RFX1: variants seen among roughly 807,000 people sequenced by gnomAD.
RFX1 encodes MHC class II regulatory factor RFX1.
A neutral mutation model predicts 119.6 loss-of-function variants in RFX1; 42 were observed. That is an observed-to-expected ratio of 0.35 (90% CI 0.27 to 0.45). The LOEUF (loss-of-function observed/expected upper bound fraction) is 0.45, where lower values mean the gene tolerates loss of function less well. RFX1 is among the 20% of genes least tolerant of loss of function. The pLI is 1.00. For missense variants in RFX1, 1,118 were observed against 1,368.1 expected (o/e 0.82, Z 2.88); for synonymous variants, 628 against 618.5 (o/e 1.02, Z -0.23).
chr19:13,994,846 T>C (rs1203680685), intron 1 of RFX1, among the ~76,000 whole-genome samples: 1 of 143,106 alleles, frequency 7.0e-6, no homozygotes, highest in Non-Finnish European at 1.5e-5. Context: ...TGTATACATA[T>C]ATGTACACAT....
chr19:13,999,126 A>G, intron 1 of RFX1, among the ~76,000 whole-genome samples: 1 of 152,226 alleles, frequency 6.6e-6, no homozygotes. Flanking sequence ...AAGCAATTAT[A>G]CAGGTTTGTT....
intron 12 of RFX1, among the ~76,000 whole-genome samples, chr19:13,967,675 C>T (rs1218893326): frequency 6.6e-6 from 1 of 151,838 alleles, no homozygotes; most frequent in East Asian, 1.9e-4. Flanking sequence ...TGGGGATTCA[C>T]CATGTTGACT....
intron 1 of RFX1, among the ~76,000 whole-genome samples, chr19:14,002,528 A>G (rs776433117): frequency 6.6e-6 from 1 of 152,042 alleles, no homozygotes; most frequent in Non-Finnish European, 1.5e-5. Flanking sequence ...AAGAAAACTG[A>G]CAGGCAAATA....
rs1284802969 is a variant in RFX1 at position 13,976,488 on chromosome 19, C to T, written c.929+1504G>A. 5.3e-5 allele frequency among the ~76,000 whole-genome samples: 8 copies of T among 152,326 alleles called. No homozygotes were observed. The East Asian group carries it at 7.7e-4, about 15-fold the overall frequency. On this transcript the variant is annotated intron_variant, in intron 8 of 20. Coordinates refer to ENST00000254325, the MANE Select transcript of RFX1 (RefSeq NM_002918.5). ...GCCAGGACGTGGCCCCTGCCTGACA[C>T]GGCCCATACACAGGAATGGTAGTGC... is the stretch of plus-strand genomic sequence containing the variant.
intron 1 of RFX1, among the ~76,000 whole-genome samples, chr19:14,005,248 C>T (rs55641935): frequency 6.6e-6 from 1 of 152,148 alleles, no homozygotes; most frequent in Non-Finnish European, 1.5e-5. Flanking sequence ...CTCATGGTCA[C>T]TCCTCCCTAC....
intron 17 of RFX1, 23 bp from the exon 18 acceptor site, chr19:13,963,769 GCGCCCGGGGCTCAGC>G: frequency 6.6e-7 from 1 of 1,524,554 alleles, no homozygotes; most frequent in Non-Finnish European, 8.8e-7. Context: ...GGGTGGGCGG[GCGCCCGGGGCTCAGC>G]CGCCGTCACC....
chr19:13,983,424 A>C, intron 3 of RFX1, 62 bp downstream of exon 3: 1 of 1,349,624 alleles, frequency 7.4e-7, no homozygotes, highest in Non-Finnish European at 1.0e-6. Context: ...GCCCCCGAGG[A>C]CGCAGCCTGC....
chr19:14,005,946 G>GCCGGGCC (rs1222119088), intron 1 of RFX1, among the ~76,000 whole-genome samples, 157 bp downstream of exon 1: 2 of 151,026 alleles, frequency 1.3e-5, no homozygotes, highest in African/African-American at 4.9e-5. Flanking sequence ...TGTCGTTCCA[G>GCCGGGCC]CCGGGCCCCG....
chr19:13,966,435 C>T lies in RFX1; in HGVS notation c.1947G>A (p.Ala649=), dbSNP rs373319604. Residue 649 remains alanine, a synonymous_variant, in exon 14 of 21, where the codon GCG becomes GCA. Coordinates refer to ENST00000254325, the MANE Select transcript of RFX1 (RefSeq NM_002918.5). The surrounding 1 kb of genome is among the most constrained non-coding windows in gnomAD (Gnocchi z 6.3). ...WRYNLSQPSE[A]PPLAVHDEAE... ...GCAGTACTCACACAGCCAGCGGTGG[C>T]GCCTCACTGGGCTGGCTGAGGTTGT... The T allele has an allele frequency of 2.5e-6, 4 of 1,607,874 alleles. No individual in the cohort carries two copies. Among genetic ancestry groups the T allele is most frequent in the African/African-American group, 1.3e-5 (1 of 74,810 alleles).
chr19:13,993,882 T>C lies in RFX1; in HGVS notation c.-39A>G. On this transcript the variant is annotated 5_prime_UTR_variant, in exon 2 of 21. Transcript: ENST00000254325. ...AAAATGATAATAAATAAGGCTTTTT[T>C]TTTTTTTTAATTCCTTGGGAAGAAA... 6.8e-7 allele frequency: 1 copy of C among 1,462,544 alleles called. No individual in the cohort carries two copies. Among genetic ancestry groups the C allele is most frequent in the Non-Finnish European group, 9.1e-7 (1 of 1,094,290 alleles). The allele number at this position is 1,462,544 out of a possible 1,614,324, so 90.6% of individuals were successfully genotyped here.
chr19:13,977,192 G>A (rs1261467870), intron 8 of RFX1, among the ~76,000 whole-genome samples: 1 of 151,478 alleles, frequency 6.6e-6, no homozygotes, highest in East Asian at 2.0e-4. Context: ...CTACCCGGGA[G>A]GCTGAGACAC....
At chr19:14,002,789 G>C (rs948231763) in intron 1 of RFX1, among the ~76,000 whole-genome samples, 2 of 152,208 alleles carry the variant, frequency 1.3e-5, no homozygotes, top group Non-Finnish European at 2.9e-5. Context: ...ATTGAAGGCA[G>C]CATCTCTGCG....
chr19:13,962,788 T>A lies in RFX1; in HGVS notation c.2847A>T (p.Ser949=). 1 of 1,529,874 alleles carries A rather than the reference T, an allele frequency of 6.5e-7. No individual in the cohort carries two copies. Among genetic ancestry groups the A allele is most frequent in the African/African-American group, 1.4e-5 (1 of 72,858 alleles). 94.8% of individuals were successfully genotyped at this position (1,529,874 alleles called of 1,614,324 possible). ...QDISLAAGGE[S]PALGPETLEP... ...CCAGGGTCTCCGGGCCCAGCGCGGG[T>A]GACTCGCCGCCAGCCGCCAGTGAGA... Residue 949 remains serine (S), a synonymous_variant, in exon 21 of 21, where the codon TCA becomes TCT. Coordinates refer to ENST00000254325, the MANE Select transcript of RFX1 (RefSeq NM_002918.5).
chr19:13,966,368 G>A lies in RFX1; in HGVS notation c.1961+53C>T, dbSNP rs575616143. The A allele has an allele frequency of 4.7e-4, 554 of 1,175,670 alleles. 1 individual carries two copies. The highest frequency in any genetic ancestry group is 6.4e-4 in the Non-Finnish European group (502 of 788,074). The allele number at this position is 1,175,670 out of a possible 1,614,324, so 72.8% of individuals were successfully genotyped here. On this transcript the variant is annotated intron_variant, in intron 14 of 20. Coordinates refer to ENST00000254325, the MANE Select transcript of RFX1 (RefSeq NM_002918.5). This position sits in a 1 kb window ranked among gnomAD's most constrained non-coding sequence, Gnocchi z 6.3. ...AACCCTGGCCATCAAAATCACCTGC[G>A]GGTCATGCCCTCCTCCCCCCTCTCC...
intron 9 of RFX1, among the ~76,000 whole-genome samples, chr19:13,970,972 A>G (rs1203333585): frequency 6.6e-6 from 1 of 151,210 alleles, no homozygotes; most frequent in Non-Finnish European, 1.5e-5. Flanking sequence ...CTGCACTCCA[A>G]CCTGTGCGAC....
intron 1 of RFX1, among the ~76,000 whole-genome samples, chr19:14,004,480 C>A (rs1441687766): frequency 6.6e-6 from 1 of 152,130 alleles, no homozygotes; most frequent in Admixed American, 6.5e-5. Context: ...TGCACTCCAG[C>A]CTGGCCACAG....
In RFX1 at chr19:13,983,419, C is replaced by A. The variant is rs905767256; in HGVS notation, c.429+67G>T. ...AAGCGGGGAGGGGAGGTGAGGCCCC[C>A]GAGGACGCAGCCTGCACTGCCCCCC... On this transcript the variant is annotated intron_variant, in intron 3 of 20. Coordinates refer to ENST00000254325, the MANE Select transcript of RFX1 (RefSeq NM_002918.5). 1.3e-5 allele frequency: 17 copies of A among 1,332,338 alleles called. No homozygotes were observed. The Middle Eastern group carries it at 5.6e-4, about 44-fold the overall frequency. 82.5% of individuals were successfully genotyped at this position (1,332,338 alleles called of 1,614,324 possible).
rs1974613502 is a variant in RFX1 at position 13,986,825 on chromosome 19, G to GTACTT, written c.320-3231_320-3230insAAGTA. Among the ~76,000 whole-genome samples, 1 of 152,116 alleles carries GTACTT rather than the reference G, an allele frequency of 6.6e-6. No homozygotes were observed. Among genetic ancestry groups the GTACTT allele is most frequent in the Non-Finnish European group, 1.5e-5 (1 of 67,996 alleles). On this transcript the variant is annotated intron_variant, in intron 2 of 20. Coordinates refer to ENST00000254325, the MANE Select transcript of RFX1 (RefSeq NM_002918.5). The surrounding 1 kb of genome is among the most constrained non-coding windows in gnomAD (Gnocchi z 4.2). ...AAATGAGCTACTTGGGGGAGCCCAG[G>GTACTT]GGAGGCCCTAGAGGCTGGACTCCTG...
chr19:13,979,377 G>T, intron 7 of RFX1, 70 bp downstream of exon 7: 3 of 1,062,672 alleles, frequency 2.8e-6, no homozygotes, highest in Non-Finnish European at 2.7e-6. Flanking sequence ...CGGCCTCAGG[G>T]GCCTGCACTC....
Sources: gnomAD v4.1 joint callset for allele counts (sites outside exome capture counted in the v4.1 genomes callset) on GRCh38, gnomAD v4.1.1 for gene constraint, Gnocchi (gnomAD v3.1) non-coding constraint, MANE v1.5 for transcripts, NCBI Gene and HGNC (gene_info 2026-07-23, HGNC 2026-07-21) for gene names.